Variants in SLC22A13 observed in about 807,000 individuals in gnomAD.
SLC22A13 encodes the protein organic anion transporter 10.
Under a neutral mutation model 49.1 loss-of-function variants are expected in SLC22A13, and 42 were observed. The observed-to-expected ratio is 0.85, with a 90% CI of 0.67 to 1.11. SLC22A13 has a LOEUF of 1.11. SLC22A13 is among the 50% of genes least tolerant of loss of function. The pLI is 0.00. For missense variants in SLC22A13, 694 were observed against 712.8 expected (o/e 0.97, Z 0.30); for synonymous variants, 282 against 293.1 (o/e 0.96, Z 0.39).
At position 38,274,628 on chromosome 3, in the gene SLC22A13, G is replaced by A. The variant is rs374623614; in HGVS notation, c.507G>A (p.Leu169=). The change falls in exon 3 of 10, where the codon CTG becomes CTA. Residue 169 remains leucine (L), a synonymous_variant. Transcript: ENST00000311856. ...CDRIGRKATI[L]AQLLLFTLIG... The stretch of plus-strand genomic sequence containing the variant: ...GGATTGGCCGCAAGGCCACAATCCT[G>A]GCGCAGCTGCTCCTCTTCACCCTCA... The A allele has an allele frequency of 2.5e-6, 4 of 1,613,890 alleles. No homozygotes were observed. In the Admixed American group the frequency reaches 5.0e-5, roughly 20 times the overall value.
intron 1 of SLC22A13, among the ~76,000 whole-genome samples, chr3:38,273,228 G>A (rs1357488883): frequency 1.3e-5 from 2 of 152,152 alleles, no homozygotes; most frequent in Non-Finnish European, 2.9e-5. Flanking sequence ...TGAGTCAAGT[G>A]CACATACAAT....
intron 1 of SLC22A13, among the ~76,000 whole-genome samples, chr3:38,266,986 A>T (rs1485197581): frequency 6.6e-6 from 1 of 152,166 alleles, no homozygotes; most frequent in Non-Finnish European, 1.5e-5. Flanking sequence ...TGAGCTGATC[A>T]TGGAGCTGGG....
Position 38,276,946 on chromosome 3 carries a change from C to T in SLC22A13, c.1381C>T (p.Arg461Trp), listed in dbSNP as rs370127246. Residue 461 changes from arginine to tryptophan, a missense_variant, in exon 9 of 10, where the codon CGG (arginine) becomes TGG (tryptophan). Physicochemically the swap from Arg to Trp is moderately radical, Grantham distance 101. Transcript: ENST00000311856. Reference sequence around the variant, plus strand: ...CATGGGGCTGGTGGGCATCTTCTCACGGATCGGGGGCATCCTCACACCACT... The same window carrying T: ...CATGGGGCTGGTGGGCATCTTCTCATGGATCGGGGGCATCCTCACACCACT... ...TGMGLVGIFSRIGGILTPLVI... is the reference protein window; with the variant it reads ...TGMGLVGIFSWIGGILTPLVI... 4.9e-5 allele frequency: 79 copies of T among 1,613,774 alleles called. No individual in the cohort carries two copies. Among genetic ancestry groups the T allele is most frequent in the Non-Finnish European group, 6.4e-5 (76 of 1,179,942 alleles).
rs745686351 is a variant in SLC22A13 at position 38,275,127 on chromosome 3, C to A, written c.776C>A (p.Ala259Glu). 6.2e-7 allele frequency: 1 copy of A among 1,614,104 alleles called. No individual in the cohort carries two copies. The highest frequency in any genetic ancestry group is 1.7e-5 in the Admixed American group (1 of 60,010). Residue 259 changes from alanine (A) to glutamate (E), a missense_variant, in exon 4 of 10, where the codon GCG (alanine) becomes GAG (glutamate). Physicochemically the swap from Ala to Glu is moderately radical, Grantham distance 107. Transcript: ENST00000311856. The part of the protein sequence containing the change: ...NWRLLQITGT[A>E]PGLLLFFYFW... The stretch of plus-strand genomic sequence containing the variant: ...AGGCTCCTTCAGATCACCGGCACTG[C>A]GCCTGGCTTACTGCTCTTCTTCTAC...
chr3:38,273,443 C>T (rs1209091384), intron 1 of SLC22A13, among the ~76,000 whole-genome samples: 1 of 152,092 alleles, frequency 6.6e-6, no homozygotes, highest in South Asian at 2.1e-4. Flanking sequence ...CTCTCCTAAT[C>T]GCCTTCCTCA....
rs1243178660 is a variant in SLC22A13, at chr3:38,274,510, A to G, written c.483-94A>G. The G allele has an allele frequency of 8.8e-6, 13 of 1,478,390 alleles. No individual in the cohort carries two copies. The Admixed American group carries it at 1.7e-4, about 20-fold the overall frequency. The allele number at this position is 1,478,390 out of a possible 1,614,324, so 91.6% of individuals were successfully genotyped here. ...CCCTACCCTCAAATGGGGCTCAGACAGAGACCCCAGGACAGGGCTGGGCCC... is the reference window on the plus strand; with the variant it reads ...CCCTACCCTCAAATGGGGCTCAGACGGAGACCCCAGGACAGGGCTGGGCCC... On this transcript the variant is annotated intron_variant, in intron 2 of 9. Coordinates refer to ENST00000311856, the MANE Select transcript of SLC22A13 (RefSeq NM_004256.4).
intron 7 of SLC22A13, 60 bp from the exon 8 acceptor site, chr3:38,276,227 G>T: frequency 1.3e-6 from 2 of 1,512,806 alleles, no homozygotes. Context: ...GGGGTGGGGA[G>T]TTCCAGTGGA....
Position 38,277,504 on chromosome 3 carries a change from C to A in SLC22A13, c.*39C>A. ...GAGCTGGACCATCAGCAGCAGGGAG[C>A]TGCCTAAACACCTCCTTGGATATGG... On this transcript the variant is annotated 3_prime_UTR_variant, in exon 10 of 10. Transcript: ENST00000311856. 1 of 1,477,724 alleles carries A rather than the reference C, an allele frequency of 6.8e-7. No individual in the cohort carries two copies. The highest frequency in any genetic ancestry group is 9.4e-7 in the Non-Finnish European group (1 of 1,060,040). 91.5% of individuals were successfully genotyped at this position (1,477,724 alleles called of 1,614,324 possible). A position where few individuals can be genotyped will look rare whatever the true frequency, so the allele number is the denominator to read the frequency against.
intron 1 of SLC22A13, among the ~76,000 whole-genome samples, chr3:38,269,572 T>C (rs994743897): frequency 6.6e-6 from 1 of 152,144 alleles, no homozygotes; most frequent in African/African-American, 2.4e-5. Flanking sequence ...TTTTAATTCT[T>C]AGTTTGACTT....
At chr3:38,266,488 T>C (rs566223564) in intron 1 of SLC22A13, among the ~76,000 whole-genome samples, 49 of 152,358 alleles carry the variant, frequency 3.2e-4, no homozygotes, top group African/African-American at 1.2e-3. Context: ...TTCTGTCGTC[T>C]CTGTCTTTCC....
chr3:38,275,188 C>T (rs1703564992), intron 4 of SLC22A13, 31 bp downstream of exon 4: 1 of 1,612,590 alleles, frequency 6.2e-7, no homozygotes, highest in Non-Finnish European at 8.5e-7. Context: ...GAGCAAGCCC[C>T]CCCAGGTTAG....
intron 1 of SLC22A13, among the ~76,000 whole-genome samples, chr3:38,266,980 C>T (rs1055054440): frequency 3.3e-4 from 51 of 152,304 alleles, no homozygotes; most frequent in African/African-American, 1.2e-3. Context: ...ATGCAGTGAG[C>T]TGATCATGGA....
At chr3:38,268,631 G>T (rs1302890756) in intron 1 of SLC22A13, among the ~76,000 whole-genome samples, 1 of 152,130 alleles carries the variant, frequency 6.6e-6, no homozygotes, top group Non-Finnish European at 1.5e-5. Context: ...AATTAACTTT[G>T]AAAAATAAAT....
At chr3:38,271,338 GAGGATCACTTGA>G (rs1703518068) in intron 1 of SLC22A13, among the ~76,000 whole-genome samples, 3 of 152,024 alleles carry the variant, frequency 2.0e-5, no homozygotes, top group Non-Finnish European at 4.4e-5. Flanking sequence ...GCTGAGGCAG[GAGGATCACTTGA>G]GCCCAAGAGT....
intron 2 of SLC22A13, 50 bp from the exon 3 acceptor site, chr3:38,274,554 A>G: frequency 6.3e-7 from 1 of 1,593,496 alleles, no homozygotes; most frequent in Non-Finnish European, 8.6e-7. Flanking sequence ...CCTTCTCCTC[A>G]GATGCCTTCC....
intron 2 of SLC22A13, 23 bp downstream of exon 2, chr3:38,274,398 T>TCC (rs760122588): frequency 6.3e-6 from 10 of 1,593,394 alleles, no homozygotes; most frequent in Non-Finnish European, 8.6e-6. Context: ...CCCTGCCCAC[T>TCC]CCCTGCCTAG....
chr3:38,276,545 G>A lies in SLC22A13; in HGVS notation c.1346+150G>A, dbSNP rs1430396282. The A allele has an allele frequency of 6.3e-6, 4 of 632,922 alleles. No homozygotes were observed. In the East Asian group the frequency reaches 1.1e-4, roughly 17 times the overall value. 39.2% of individuals were successfully genotyped at this position (632,922 alleles called of 1,614,324 possible). A position where few individuals can be genotyped will look rare whatever the true frequency, so the allele number is the denominator to read the frequency against. ...AGGGTCCAGGACAACTAGAAATCTA[G>A]CCCAAGCCCTCAAGTTGTCCCCAGA... On this transcript the variant is annotated intron_variant, in intron 8 of 9. Coordinates refer to ENST00000311856, the MANE Select transcript of SLC22A13 (RefSeq NM_004256.4).
At chr3:38,271,542 CAAAA>C (rs397837435) in intron 1 of SLC22A13, among the ~76,000 whole-genome samples, 19 of 48,424 alleles carry the variant, frequency 3.9e-4, no homozygotes, top group Middle Eastern at 9.6e-3. Flanking sequence ...GACGCTTTCT[CAAAA>C]AAAAAAAAAA....
Position 38,277,096 on chromosome 3 carries a change from C to T in SLC22A13, c.1531C>T (p.Leu511Phe), listed in dbSNP as rs1400690668. ...ETHGQGLKDT[L>F]QDLELGPHPR... ...GCATGGCCAGGGCCTGAAAGACACC[C>T]TCCAGGACCTGGAGCTGGGGCCTCA... is the stretch of plus-strand genomic sequence containing the variant. The change falls in exon 9 of 10, where the codon CTC (leucine) becomes TTC (phenylalanine). Residue 511 changes from leucine (L) to phenylalanine (F), a missense_variant. Physicochemically the swap from Leu to Phe is conservative, Grantham distance 22. Transcript: ENST00000311856. 1 of 1,572,412 alleles carries T rather than the reference C, an allele frequency of 6.4e-7. No homozygotes were observed. The highest frequency in any genetic ancestry group is 8.6e-7 in the Non-Finnish European group (1 of 1,158,658).
Sources: allele counts gnomAD v4.1 joint callset (sites outside exome capture counted in the v4.1 genomes callset), GRCh38; gene constraint gnomAD v4.1.1; transcripts MANE v1.5; gene names NCBI Gene and HGNC (gene_info 2026-07-23, HGNC 2026-07-21).